The following LYPD6B variants were observed in gnomAD, a reference collection of about 807,000 sequenced individuals.
LYPD6B encodes ly6/PLAUR domain-containing protein 6B.
A neutral mutation model predicts 22.8 loss-of-function variants in LYPD6B; 17 were observed. The ratio of observed to expected loss-of-function variants is 0.75; its 90% CI spans 0.51 to 1.12. The LOEUF (loss-of-function observed/expected upper bound fraction) is 1.12. Among genes scored for constraint, LYPD6B ranks in the 50% most tolerant of loss-of-function variants. LYPD6B has a pLI of 0.00. For synonymous variants in LYPD6B, 106 were observed against 91.6 expected, an observed-to-expected ratio of 1.16 and a Z score of -0.90; for missense variants, 221 against 258.3, an observed-to-expected ratio of 0.86 and a Z score of 0.99.
At chr2:149,048,075 A>G (rs927012081) in intron 1 of LYPD6B, among the ~76,000 whole-genome samples, 1 of 151,990 alleles carries the variant, frequency 6.6e-6, no homozygotes, top group Non-Finnish European at 1.5e-5. Flanking sequence ...AATTTTGGTT[A>G]TTTAAAATTC....
At chr2:149,072,526 T>TATTTC (rs1574915355) in intron 1 of LYPD6B, among the ~76,000 whole-genome samples, 1 of 139,328 alleles carries the variant, frequency 7.2e-6, no homozygotes, top group African/African-American at 2.8e-5. Flanking sequence ...TATTTTATTT[T>TATTTC]ATTTTATTTC....
chr2:149,117,961 A>T (rs1051658892), intron 1 of LYPD6B, among the ~76,000 whole-genome samples: 6 of 151,988 alleles, frequency 3.9e-5, no homozygotes, highest in African/African-American at 1.5e-4. Context: ...AGGCTGGAGG[A>T]TTTATTTCTA....
chr2:149,148,670 T>C (rs139417196), intron 2 of LYPD6B, among the ~76,000 whole-genome samples: 1 of 152,324 alleles, frequency 6.6e-6, no homozygotes, highest in African/African-American at 2.4e-5. Flanking sequence ...GTTAGAAATA[T>C]AGACTTTAGT....
intron 3 of LYPD6B, among the ~76,000 whole-genome samples, chr2:149,197,518 A>T (rs1442126573): frequency 6.6e-6 from 1 of 152,216 alleles, no homozygotes; most frequent in Non-Finnish European, 1.5e-5. Flanking sequence ...CTCAAGAAAA[A>T]TAAATAAATG....
intron 1 of LYPD6B, among the ~76,000 whole-genome samples, chr2:149,078,031 T>A (rs1684955057): frequency 6.6e-6 from 1 of 152,128 alleles, no homozygotes; most frequent in African/African-American, 2.4e-5. Context: ...AATCTTAGGA[T>A]TCACTTGAGG....
chr2:149,085,103 C>T (rs1023231412), intron 1 of LYPD6B, among the ~76,000 whole-genome samples: 1 of 152,218 alleles, frequency 6.6e-6, no homozygotes, highest in African/African-American at 2.4e-5. Flanking sequence ...TCCTCTTGGC[C>T]ACCCTCTGAC....
At chr2:149,100,445 C>T (rs1437546412) in intron 1 of LYPD6B, among the ~76,000 whole-genome samples, 2 of 125,942 alleles carry the variant, frequency 1.6e-5, no homozygotes, top group Non-Finnish European at 3.3e-5. Context: ...AAAAAAAGCC[C>T]GGGCTGGAGT....
At chr2:149,180,538 T>A (rs1426282304) in intron 3 of LYPD6B, among the ~76,000 whole-genome samples, 1 of 152,152 alleles carries the variant, frequency 6.6e-6, no homozygotes, top group Non-Finnish European at 1.5e-5. Flanking sequence ...AAAAAGAAAT[T>A]ATGAAGTGTT....
At chr2:149,062,860 C>CTTTTTTTTTTTTTTTTTTTTTTT (rs5835285) in intron 1 of LYPD6B, among the ~76,000 whole-genome samples, 2 of 93,560 alleles carry the variant, frequency 2.1e-5, no homozygotes, top group African/African-American at 4.0e-5. Flanking sequence ...GATACATGTT[C>CTTTTTTTTTTTTTTTTTTTTTTT]TTTTTTTTTT....
chr2:149,089,155 A>G (rs749583912), intron 1 of LYPD6B, among the ~76,000 whole-genome samples: 2 of 152,234 alleles, frequency 1.3e-5, no homozygotes, highest in African/African-American at 2.4e-5. Context: ...TTATTTTTCA[A>G]TATTGAAAGA....
chr2:149,096,779 C>T (rs1326863691), intron 1 of LYPD6B, among the ~76,000 whole-genome samples: 3 of 151,916 alleles, frequency 2.0e-5, no homozygotes, highest in Admixed American at 1.3e-4. Context: ...TCATTAGTTG[C>T]GGGTAGGTAA....
chr2:149,176,665 A>G lies in LYPD6B; in HGVS notation c.77+15830A>G, dbSNP rs546677909. 7.2e-5 allele frequency among the ~76,000 whole-genome samples: 11 copies of G among 152,184 alleles called. No homozygotes were observed. In the East Asian group the frequency reaches 2.1e-3, roughly 29 times the overall value. On this transcript the variant is annotated intron_variant, in intron 3 of 6. Coordinates refer to ENST00000409642, the MANE Select transcript of LYPD6B (RefSeq NM_177964.5). ...CTTTCCTCAACCATTTGATTCACAG[A>G]CTTCCAAACTGTGTCTGATGTTTTA...
intron 1 of LYPD6B, among the ~76,000 whole-genome samples, chr2:149,125,769 T>G (rs900389): frequency 0.53 from 80,683 of 152,044 alleles, 21,742 homozygotes; most frequent in East Asian, 0.85. Flanking sequence ...TACAGAGACG[T>G]TTTAAAAATA....
In LYPD6B at chr2:149,192,419, CTTT is replaced by C. The variant is rs11369954; in HGVS notation, c.78-12818_78-12816del. Among the ~76,000 whole-genome samples the C allele has an allele frequency of 6.4e-5, 8 of 125,162 alleles. No individual in the cohort carries two copies. The South Asian group carries it at 7.9e-4, about 12-fold the overall frequency. 82.1% of individuals were successfully genotyped at this position (125,162 alleles called of 152,430 possible). On this transcript the variant is annotated intron_variant, in intron 3 of 6. Transcript: ENST00000409642. ...TCTCAAGTGTTTGGCAGGGGCAAGT[CTTT>C]TTTTTTTTTTTTTTTAATTCTCATA...
In LYPD6B at chr2:149,213,079, G is replaced by A; in HGVS notation, c.416G>A (p.Cys139Tyr). 6.2e-7 allele frequency: 1 copy of A among 1,613,952 alleles called. No individual in the cohort carries two copies. The highest frequency in any genetic ancestry group is 8.5e-7 in the Non-Finnish European group (1 of 1,179,862). Residue 139 changes from cysteine to tyrosine, a missense_variant, in exon 6 of 7, where the codon TGT (cysteine) becomes TAT (tyrosine). Cys to Tyr is a radical substitution (Grantham distance 194). Coordinates refer to ENST00000409642, the MANE Select transcript of LYPD6B (RefSeq NM_177964.5). ...AAAAAGTGTGCCTCCAGAAGTGAAT[G>A]TCATTTTGTCGGTTGCCACCACAGC... is the stretch of plus-strand genomic sequence containing the variant. ...ITKKCASRSE[C>Y]HFVGCHHSRD...
chr2:149,215,023 G>T lies in LYPD6B; in HGVS notation c.*313G>T. On this transcript the variant is annotated 3_prime_UTR_variant, in exon 7 of 7. Coordinates refer to ENST00000409642, the MANE Select transcript of LYPD6B (RefSeq NM_177964.5). ...CACCTGACTAGGCCTTTAGCTGAAA[G>T]GATTTCTTGACCTCCTTGACTGCCT... 1 of 318,188 alleles carries T rather than the reference G, an allele frequency of 3.1e-6. No individual in the cohort carries two copies. The highest frequency in any genetic ancestry group is 5.9e-6 in the Non-Finnish European group (1 of 170,258). The allele number at this position is 318,188 out of a possible 1,614,324, so 19.7% of individuals were successfully genotyped here.
chr2:149,099,725 T>C (rs565361822), intron 1 of LYPD6B, among the ~76,000 whole-genome samples: 6 of 152,314 alleles, frequency 3.9e-5, no homozygotes. Context: ...AATTCATGCA[T>C]ACAAGTTTTA....
At chr2:149,134,333 T>G (rs1047898175) in intron 2 of LYPD6B, among the ~76,000 whole-genome samples, 1 of 152,238 alleles carries the variant, frequency 6.6e-6, no homozygotes, top group African/African-American at 2.4e-5. Flanking sequence ...GCCTAGATTG[T>G]ACTTTATTAA....
At chr2:149,173,272 G>A (rs150313047) in intron 3 of LYPD6B, among the ~76,000 whole-genome samples, 2 of 143,658 alleles carry the variant, frequency 1.4e-5, no homozygotes, top group African/African-American at 5.2e-5. Flanking sequence ...TTCTTTGCCC[G>A]TTCTGTTGAT....
Sources: gnomAD v4.1 joint callset for allele counts (sites outside exome capture counted in the v4.1 genomes callset) on GRCh38, gnomAD v4.1.1 for gene constraint, MANE v1.5 for transcripts, NCBI Gene and HGNC (gene_info 2026-07-23, HGNC 2026-07-21) for gene names.